AKT3: variants seen among roughly 807,000 people sequenced by gnomAD.
The protein encoded by AKT3 is AKT serine/threonine kinase 3.
In AKT3, 15 loss-of-function variants were observed where a neutral mutation model predicts 65.3. That is an observed-to-expected ratio of 0.23 (90% confidence interval 0.15 to 0.35). The LOEUF (loss-of-function observed/expected upper bound fraction) is 0.35, where lower values mean the gene tolerates loss of function less well. Among genes scored for constraint, AKT3 ranks in the 10% least tolerant of loss-of-function variants. The pLI, the probability that AKT3 is intolerant of heterozygous loss-of-function variation, is 1.00. For synonymous variants in AKT3, 206 were observed against 183.8 expected (o/e 1.12, Z -0.98); for missense variants, 243 against 576.5 (o/e 0.42, Z 5.92).
At chr1:243,558,486 G>C (rs917370892) in intron 10 of AKT3, among the ~76,000 whole-genome samples, 2 of 151,924 alleles carry the variant, frequency 1.3e-5, no homozygotes, top group African/African-American at 4.8e-5. Context: ...TAAGAATGGG[G>C]TTCTAAAAAA....
intron 3 of AKT3, among the ~76,000 whole-genome samples, chr1:243,678,287 CT>C (rs1683670058): frequency 6.6e-6 from 1 of 152,032 alleles, no homozygotes; most frequent in Non-Finnish European, 1.5e-5. Context: ...AAAAAGGCCT[CT>C]TGGGTATTTA....
chr1:243,772,827 C>T, intron 2 of AKT3, among the ~76,000 whole-genome samples: 1 of 151,934 alleles, frequency 6.6e-6, no homozygotes. Flanking sequence ...GAAAATGTGG[C>T]ACATATACAC....
At chr1:243,809,947 G>A (rs956765360) in intron 2 of AKT3, among the ~76,000 whole-genome samples, 9 of 152,100 alleles carry the variant, frequency 5.9e-5, no homozygotes, top group South Asian at 2.1e-4. Flanking sequence ...GGTACATAAC[G>A]AAATGAAGGC....
At chr1:243,764,938 A>G (rs1472116422) in intron 2 of AKT3, among the ~76,000 whole-genome samples, 1 of 152,122 alleles carries the variant, frequency 6.6e-6, no homozygotes, top group Admixed American at 6.5e-5. Context: ...TCATTTAGCA[A>G]CATTTAGAAC....
At position 243,527,899 on chromosome 1, in the gene AKT3, A is replaced by AAG. The variant is rs879360689; in HGVS notation, c.1252-15474_1252-15473insCT. Among the ~76,000 whole-genome samples the AAG allele has an allele frequency of 6.6e-3, 718 of 108,642 alleles. 19 individuals are homozygous for AAG. The highest frequency in any genetic ancestry group is 0.027 in the African/African-American group (672 of 24,920). The allele number at this position is 108,642 out of a possible 152,430, so 71.3% of individuals were successfully genotyped here. A position where few individuals can be genotyped will look rare whatever the true frequency, so the allele number is the denominator to read the frequency against. On this transcript the variant is annotated intron_variant, in intron 12 of 13. Transcript: ENST00000673466. Reference sequence around the variant, plus strand: ...CACACACACACACACACACACACACACACACACACACACACACACACACAC... The same window carrying AAG: ...CACACACACACACACACACACACACAAGCACACACACACACACACACACACAC...
chr1:243,575,784 T>C (rs1308325351), intron 8 of AKT3, among the ~76,000 whole-genome samples: 4 of 152,272 alleles, frequency 2.6e-5, no homozygotes, highest in Admixed American at 2.6e-4. Context: ...TCAAGTTTTA[T>C]CCATTTGTAT....
intron 10 of AKT3, among the ~76,000 whole-genome samples, chr1:243,562,979 A>G (rs1261528735): frequency 6.6e-6 from 1 of 152,202 alleles, no homozygotes; most frequent in Non-Finnish European, 1.5e-5. Context: ...CACCATCTAC[A>G]ACAGCCACAC....
At chr1:243,623,198 G>C (rs1345676994) in intron 6 of AKT3, among the ~76,000 whole-genome samples, 1 of 152,194 alleles carries the variant, frequency 6.6e-6, no homozygotes, top group Non-Finnish European at 1.5e-5. Context: ...TTTGCTCTGA[G>C]AGGTTGGAAT....
At chr1:243,847,402 C>A (rs917107278) in intron 1 of AKT3, among the ~76,000 whole-genome samples, 2 of 152,128 alleles carry the variant, frequency 1.3e-5, no homozygotes, top group African/African-American at 4.8e-5. Flanking sequence ...AGGACAAATT[C>A]TTGAACTAAA....
At chr1:243,805,991 T>G (rs1043331297) in intron 2 of AKT3, among the ~76,000 whole-genome samples, 1 of 152,158 alleles carries the variant, frequency 6.6e-6, no homozygotes, top group Non-Finnish European at 1.5e-5. Flanking sequence ...ATGGCATCAC[T>G]TGTCTTCCCT....
At chr1:243,786,504 A>G (rs1205873927) in intron 2 of AKT3, among the ~76,000 whole-genome samples, 1 of 152,216 alleles carries the variant, frequency 6.6e-6, no homozygotes, top group Non-Finnish European at 1.5e-5. Context: ...TGGCCTTTCC[A>G]TCAGCTCAAG....
At chr1:243,596,376 C>T (rs141386945) in intron 8 of AKT3, among the ~76,000 whole-genome samples, 14 of 152,172 alleles carry the variant, frequency 9.2e-5, no homozygotes, top group Admixed American at 3.9e-4. Flanking sequence ...CCAGAACATC[C>T]AAAGAACTCC....
intron 8 of AKT3, among the ~76,000 whole-genome samples, chr1:243,589,225 G>A (rs1316828548): frequency 1.4e-5 from 2 of 143,594 alleles, no homozygotes; most frequent in Admixed American, 7.3e-5. Context: ...AGAATCGCTT[G>A]AACCCGGGAG....
chr1:243,683,194 T>C (rs1000927747), intron 3 of AKT3, among the ~76,000 whole-genome samples: 2 of 152,146 alleles, frequency 1.3e-5, no homozygotes, highest in Non-Finnish European at 2.9e-5. Flanking sequence ...GCATAATACT[T>C]ACCTCACAGT....
intron 8 of AKT3, among the ~76,000 whole-genome samples, chr1:243,593,866 CGA>C (rs1386198884): frequency 6.6e-6 from 1 of 151,976 alleles, no homozygotes; most frequent in Non-Finnish European, 1.5e-5. Context: ...TAATCTTTTC[CGA>C]GACAGGGAAC....
chr1:243,788,024 T>C (rs1691372227), intron 2 of AKT3, among the ~76,000 whole-genome samples: 1 of 152,048 alleles, frequency 6.6e-6, no homozygotes, highest in Admixed American at 6.5e-5. Flanking sequence ...AATTCCCTAA[T>C]GTATGCATTT....
At chr1:243,808,548 G>A (rs545465122) in intron 2 of AKT3, among the ~76,000 whole-genome samples, 41 of 152,300 alleles carry the variant, frequency 2.7e-4, no homozygotes, top group African/African-American at 7.7e-4. Flanking sequence ...CCAAATCTAC[G>A]TCTGATTGGT....
chr1:243,681,309 A>G (rs1176718509), intron 3 of AKT3, among the ~76,000 whole-genome samples: 1 of 152,192 alleles, frequency 6.6e-6, no homozygotes, highest in Non-Finnish European at 1.5e-5. Flanking sequence ...TTATTACTAT[A>G]CTACTCCACA....
At chr1:243,561,497 C>G (rs893656465) in intron 10 of AKT3, among the ~76,000 whole-genome samples, 1 of 152,106 alleles carries the variant, frequency 6.6e-6, no homozygotes. Context: ...TAGCTGTGTA[C>G]AGATAACATT....
Sources: allele counts gnomAD v4.1 joint callset (sites outside exome capture counted in the v4.1 genomes callset), GRCh38; gene constraint gnomAD v4.1.1; transcripts MANE v1.5; gene names NCBI Gene and HGNC (gene_info 2026-07-23, HGNC 2026-07-21).